CCSER1: variants seen among roughly 807,000 people sequenced by gnomAD.
CCSER1 encodes the protein coiled-coil serine rich protein 1.
Under a neutral mutation model 82.0 loss-of-function variants are expected in CCSER1, and 41 were observed. The ratio of observed to expected loss-of-function variants is 0.50; its 90% confidence interval spans 0.39 to 0.65. The LOEUF (loss-of-function observed/expected upper bound fraction) is 0.65. Among genes scored for constraint, CCSER1 ranks in the 30% least tolerant of loss-of-function variants. CCSER1 has a pLI of 0.00. For missense variants in CCSER1, 1,119 were observed against 1,064.2 expected (o/e 1.05, Z -0.72); for synonymous variants, 414 against 383.9 (o/e 1.08, Z -0.92).
At chr4:91,264,780 T>C (rs980859033) in intron 10 of CCSER1, among the ~76,000 whole-genome samples, 3 of 152,022 alleles carry the variant, frequency 2.0e-5, no homozygotes, top group African/African-American at 7.2e-5. Flanking sequence ...TAAAAAGATT[T>C]CTTAACTAGT....
At chr4:90,961,556 A>C (rs1166826146) in intron 9 of CCSER1, among the ~76,000 whole-genome samples, 1 of 152,160 alleles carries the variant, frequency 6.6e-6, no homozygotes, top group Non-Finnish European at 1.5e-5. Context: ...TTTGAATGTT[A>C]ATATAAAGTT....
chr4:91,158,211 T>C (rs1731013598), intron 10 of CCSER1, among the ~76,000 whole-genome samples: 2 of 152,032 alleles, frequency 1.3e-5, no homozygotes, highest in Admixed American at 1.3e-4. Context: ...TCAGTTAGTA[T>C]TAAATATGCT....
intron 10 of CCSER1, among the ~76,000 whole-genome samples, chr4:91,513,088 G>A (rs1250381086): frequency 6.6e-6 from 1 of 152,008 alleles, no homozygotes; most frequent in African/African-American, 2.4e-5. Context: ...TAAATATACT[G>A]GCTGTGCATT....
At chr4:91,468,175 A>G (rs1757041005) in intron 10 of CCSER1, among the ~76,000 whole-genome samples, 1 of 152,190 alleles carries the variant, frequency 6.6e-6, no homozygotes, top group African/African-American at 2.4e-5. Flanking sequence ...TGCAGCCATA[A>G]AAAAGGAAGA....
At chr4:90,577,573 T>C (rs1416846169) in intron 5 of CCSER1, among the ~76,000 whole-genome samples, 3 of 152,180 alleles carry the variant, frequency 2.0e-5, no homozygotes, top group African/African-American at 4.8e-5. Flanking sequence ...TCGCTGATAG[T>C]TCTAAAAAGA....
At chr4:91,184,380 T>A (rs959742605) in intron 10 of CCSER1, among the ~76,000 whole-genome samples, 5 of 152,240 alleles carry the variant, frequency 3.3e-5, no homozygotes, top group Non-Finnish European at 5.9e-5. Flanking sequence ...AGAAACAGTC[T>A]TTTAAATCTA....
chr4:90,701,344 T>C (rs1354428264), intron 6 of CCSER1, among the ~76,000 whole-genome samples: 2 of 152,206 alleles, frequency 1.3e-5, no homozygotes. Context: ...TTAGTCTGGA[T>C]CTCTGTTGTG....
chr4:90,270,543 G>T (rs558777926), intron 1 of CCSER1, among the ~76,000 whole-genome samples: 4 of 152,018 alleles, frequency 2.6e-5, no homozygotes, highest in Non-Finnish European at 4.4e-5. Context: ...GTATCATACA[G>T]ACTAGGGAAA....
intron 10 of CCSER1, among the ~76,000 whole-genome samples, chr4:91,443,273 C>A (rs918979432): frequency 3.9e-5 from 6 of 152,014 alleles, no homozygotes; most frequent in African/African-American, 1.5e-4. Context: ...CACATATACA[C>A]CATGGAATAC....
At chr4:90,217,906 C>T (rs1741391512) in intron 1 of CCSER1, among the ~76,000 whole-genome samples, 1 of 152,050 alleles carries the variant, frequency 6.6e-6, no homozygotes, top group Admixed American at 6.6e-5. Context: ...AGAGATCCTG[C>T]CACCTCAGCC....
At chr4:90,861,795 A>G (rs139222229) in intron 8 of CCSER1, among the ~76,000 whole-genome samples, 239 of 151,610 alleles carry the variant, frequency 1.6e-3, no homozygotes, top group Middle Eastern at 6.8e-3. Context: ...GCATCAGCCT[A>G]TATTTCCAGA....
chr4:91,189,440 TA>T (rs1471862116), intron 10 of CCSER1, among the ~76,000 whole-genome samples: 1 of 152,180 alleles, frequency 6.6e-6, no homozygotes, highest in African/African-American at 2.4e-5. Context: ...TCTCCTCCTG[TA>T]GCATCTGGTC....
At chr4:90,533,084 G>GTTTTTTTTTTT (rs59215370) in intron 5 of CCSER1, among the ~76,000 whole-genome samples, 2 of 88,994 alleles carry the variant, frequency 2.2e-5, no homozygotes, top group Admixed American at 1.5e-4. Context: ...ATTTCTGTGG[G>GTTTTTTTTTTT]TTTTTTTTTT....
intron 6 of CCSER1, among the ~76,000 whole-genome samples, chr4:90,662,635 C>A (rs1731034469): frequency 6.6e-6 from 1 of 151,898 alleles, no homozygotes. Context: ...TGTACAATAT[C>A]TTAACTAAAT....
intron 8 of CCSER1, among the ~76,000 whole-genome samples, chr4:90,910,238 T>C (rs780094332): frequency 3.9e-5 from 6 of 152,134 alleles, no homozygotes; most frequent in Non-Finnish European, 8.8e-5. Flanking sequence ...ACCAGGGCCC[T>C]CCCCTGATAC....
chr4:90,608,611 T>A (rs370459617), intron 5 of CCSER1, among the ~76,000 whole-genome samples: 6 of 152,080 alleles, frequency 3.9e-5, no homozygotes, highest in African/African-American at 1.4e-4. Flanking sequence ...ATATACATTA[T>A]CATTAAGAGG....
chr4:90,634,196 A>G (rs2148947661), intron 6 of CCSER1, among the ~76,000 whole-genome samples: 1 of 151,876 alleles, frequency 6.6e-6, no homozygotes, highest in East Asian at 1.9e-4. Flanking sequence ...TATTCTAACA[A>G]AATAGCCAGA....
At chr4:91,036,710 G>A (rs1267545208) in intron 9 of CCSER1, among the ~76,000 whole-genome samples, 1 of 152,106 alleles carries the variant, frequency 6.6e-6, no homozygotes, top group Non-Finnish European at 1.5e-5. Context: ...ACAGAAAAAT[G>A]TCTTAGAATG....
chr4:91,205,298 C>T (rs1397081018), intron 10 of CCSER1, among the ~76,000 whole-genome samples: 1 of 151,716 alleles, frequency 6.6e-6, no homozygotes, highest in Admixed American at 6.6e-5. Context: ...AATGAACACA[C>T]ACATTGTTTC....
Sources: allele counts gnomAD v4.1 joint callset (sites outside exome capture counted in the v4.1 genomes callset), GRCh38; gene constraint gnomAD v4.1.1; transcripts MANE v1.5; gene names NCBI Gene and HGNC (gene_info 2026-07-23, HGNC 2026-07-21).